Variants in FBXO25 observed in about 807,000 individuals in gnomAD.
The protein encoded by FBXO25 is F-box protein 25.
In FBXO25, 45 loss-of-function variants were observed where a neutral mutation model predicts 51.9. The ratio of observed to expected loss-of-function variants is 0.87; its 90% CI spans 0.68 to 1.11. FBXO25 has a LOEUF of 1.11. Among genes scored for constraint, FBXO25 ranks in the 50% most tolerant of loss-of-function variants. The pLI is 0.00. For synonymous variants in FBXO25, 199 were observed against 151.0 expected (o/e 1.32, Z -2.33); for missense variants, 507 against 428.5 (o/e 1.18, Z -1.62).
chr8:476,736 C>T lies in FBXO25; in HGVS notation c.*7932C>T, dbSNP rs186696874. On this transcript the variant is annotated 3_prime_UTR_variant, in exon 10 of 10. Coordinates refer to ENST00000350302, the MANE Select transcript of FBXO25 (RefSeq NM_183420.2). Reference sequence around the variant, plus strand: ...AGTTGTTTTTCTTAGTCACTCTTAGCTATCAACAAACTCTTGGTTTCATTT... The same window carrying T: ...AGTTGTTTTTCTTAGTCACTCTTAGTTATCAACAAACTCTTGGTTTCATTT... 3 of 152,204 alleles carry T rather than the reference C, an allele frequency of 2.0e-5. No homozygotes were observed. The highest frequency in any genetic ancestry group is 3.9e-4 in the East Asian group (2 of 5,194). The allele number at this position is 152,204 out of a possible 1,614,324, so 9.4% of individuals were successfully genotyped here.
rs967828924 is a variant in FBXO25, at chr8:474,916, A to G, written c.*6112A>G. The G allele has an allele frequency of 2.2e-6, 1 of 454,196 alleles. No individual in the cohort carries two copies. The highest frequency in any genetic ancestry group is 2.0e-5 in the African/African-American group (1 of 48,918). The allele number at this position is 454,196 out of a possible 1,614,324, so 28.1% of individuals were successfully genotyped here. ...TCACCCTTTTCAGATATATCATTTT[A>G]AAATACTTTGTCCCATTCCGTGGAT... On this transcript the variant is annotated 3_prime_UTR_variant, in exon 10 of 10. Transcript: ENST00000350302.
intron 7 of FBXO25, among the ~76,000 whole-genome samples, chr8:457,602 G>T (rs1419519776): frequency 1.3e-5 from 2 of 152,138 alleles, no homozygotes; most frequent in African/African-American, 4.8e-5. Context: ...CATTGTGGAG[G>T]TTGTCTACAC....
chr8:434,079 G>C (rs1036129293), intron 4 of FBXO25, among the ~76,000 whole-genome samples: 1 of 152,208 alleles, frequency 6.6e-6, no homozygotes, highest in African/African-American at 2.4e-5. Context: ...AGGCTGTGGG[G>C]ATGCTCCCTG....
intron 1 of FBXO25, among the ~76,000 whole-genome samples, chr8:408,123 C>T (rs1276932931): frequency 2.6e-5 from 4 of 152,194 alleles, no homozygotes; most frequent in Non-Finnish European, 4.4e-5. Context: ...ATTTCTGACT[C>T]TCAGCCCTCA....
chr8:445,687 A>C (rs1392895650), intron 5 of FBXO25, among the ~76,000 whole-genome samples: 1 of 152,152 alleles, frequency 6.6e-6, no homozygotes, highest in African/African-American at 2.4e-5. Context: ...ACCTGTCTCT[A>C]CTAAAAATAC....
At chr8:439,509 G>T (rs2003213) in intron 5 of FBXO25, among the ~76,000 whole-genome samples, 1 of 152,072 alleles carries the variant, frequency 6.6e-6, no homozygotes, top group Non-Finnish European at 1.5e-5. Context: ...GCCTGTGGTG[G>T]ACCAATTAGA....
At chr8:430,509 A>G (rs1797763778) in intron 2 of FBXO25, among the ~76,000 whole-genome samples, 1 of 152,182 alleles carries the variant, frequency 6.6e-6, no homozygotes, top group Non-Finnish European at 1.5e-5. Context: ...TTTCTTGTCA[A>G]AGAACGATGA....
rs1000256364 is a variant in FBXO25 at position 473,933 on chromosome 8, C to G, written c.*5129C>G. The G allele has an allele frequency of 1.3e-5, 2 of 152,138 alleles. No individual in the cohort carries two copies. The highest frequency in any genetic ancestry group is 6.6e-5 in the Admixed American group (1 of 15,266). The allele number at this position is 152,138 out of a possible 1,614,324, so 9.4% of individuals were successfully genotyped here. A position where few individuals can be genotyped will look rare whatever the true frequency, so the allele number is the denominator to read the frequency against. ...TCTAATGTCATTTAAAAGAATTTGA[C>G]ATGTTAAAATACACGTGAAATTTAC... On this transcript the variant is annotated 3_prime_UTR_variant, in exon 10 of 10. Transcript: ENST00000350302.
intron 2 of FBXO25, among the ~76,000 whole-genome samples, chr8:423,005 G>A (rs529795159): frequency 6.6e-6 from 1 of 152,316 alleles, no homozygotes; most frequent in South Asian, 2.1e-4. Flanking sequence ...TTATCTTGGA[G>A]CATGACGTGA....
intron 2 of FBXO25, among the ~76,000 whole-genome samples, chr8:428,540 T>G (rs1797631601): frequency 6.7e-6 from 1 of 148,332 alleles, no homozygotes; most frequent in Non-Finnish European, 1.5e-5. Flanking sequence ...TAAAACAAAA[T>G]ACACATAACA....
In FBXO25 at chr8:476,628, A is replaced by G. The variant is rs1009290070; in HGVS notation, c.*7824A>G. ...TTGTCCAGTTCATCTAGGTTATCCA[A>G]TTCTTTGATATGTAATTGCTCATAG... On this transcript the variant is annotated 3_prime_UTR_variant, in exon 10 of 10. Coordinates refer to ENST00000350302, the MANE Select transcript of FBXO25 (RefSeq NM_183420.2). The G allele has an allele frequency of 8.5e-5, 13 of 152,146 alleles. No individual in the cohort carries two copies. The highest frequency in any genetic ancestry group is 2.7e-4 in the African/African-American group (11 of 41,438). 9.4% of individuals were successfully genotyped at this position (152,146 alleles called of 1,614,324 possible).
chr8:414,641 C>T (rs952744748), intron 2 of FBXO25, among the ~76,000 whole-genome samples: 2 of 151,934 alleles, frequency 1.3e-5, no homozygotes, highest in South Asian at 2.1e-4. Context: ...AGAATACAGT[C>T]GAGATATGTT....
intron 5 of FBXO25, among the ~76,000 whole-genome samples, chr8:437,730 G>T (rs1461483481): frequency 1.4e-5 from 2 of 145,852 alleles, no homozygotes. Flanking sequence ...CTTTCTTTCA[G>T]TGTGTGCTAT....
chr8:443,706 G>C (rs1309731013), intron 5 of FBXO25, among the ~76,000 whole-genome samples: 1 of 151,498 alleles, frequency 6.6e-6, no homozygotes, highest in Non-Finnish European at 1.5e-5. Flanking sequence ...GGCAGCGGTG[G>C]GCGGGCAGTC....
intron 5 of FBXO25, among the ~76,000 whole-genome samples, chr8:445,347 C>G (rs926669092): frequency 6.6e-6 from 1 of 152,116 alleles, no homozygotes; most frequent in Non-Finnish European, 1.5e-5. Context: ...GTCGGGAAGA[C>G]CTTATCTCCC....
intron 7 of FBXO25, among the ~76,000 whole-genome samples, chr8:457,838 C>G (rs2116783696): frequency 6.6e-6 from 1 of 152,318 alleles, no homozygotes; most frequent in South Asian, 2.1e-4. Context: ...AAAAAAACCC[C>G]ACAAAGCTAG....
At chr8:466,726 T>A (rs1317228498) in intron 9 of FBXO25, among the ~76,000 whole-genome samples, 1 of 152,124 alleles carries the variant, frequency 6.6e-6, no homozygotes, top group Non-Finnish European at 1.5e-5. Flanking sequence ...TGGTTTCCCA[T>A]CTGTTGTGGC....
intron 5 of FBXO25, among the ~76,000 whole-genome samples, chr8:440,794 G>A (rs1229969345): frequency 1.3e-5 from 2 of 148,864 alleles, no homozygotes; most frequent in Non-Finnish European, 3.0e-5. Flanking sequence ...GTGCCCATGT[G>A]TTCTCATTGT....
At chr8:422,316 G>C (rs1797205798) in intron 2 of FBXO25, among the ~76,000 whole-genome samples, 1 of 152,230 alleles carries the variant, frequency 6.6e-6, no homozygotes, top group African/African-American at 2.4e-5. Context: ...TTTTCCCTAA[G>C]CTGAATCAGG....
Sources: gnomAD v4.1 joint callset for allele counts (sites outside exome capture counted in the v4.1 genomes callset) on GRCh38, gnomAD v4.1.1 for gene constraint, MANE v1.5 for transcripts, NCBI Gene and HGNC (gene_info 2026-07-23, HGNC 2026-07-21) for gene names.